The following TCFL5 variants were observed in gnomAD, a reference collection of about 807,000 sequenced individuals.
TCFL5 encodes the protein transcription factor like 5, also known as transcription factor-like 5 protein.
In TCFL5, 9 loss-of-function variants were observed where a neutral mutation model predicts 44.3. The observed-to-expected ratio is 0.20, with a 90% CI of 0.12 to 0.35. The LOEUF (loss-of-function observed/expected upper bound fraction) is 0.35. TCFL5 is among the 10% of genes least tolerant of loss of function. The probability of loss-of-function intolerance (pLI) is 1.00; values close to 1 mark genes in which losing one functional copy is unlikely to be tolerated. For synonymous variants in TCFL5, 319 were observed against 271.6 expected, an observed-to-expected ratio of 1.17 and a Z score of -1.72; for missense variants, 603 against 613.4, an observed-to-expected ratio of 0.98 and a Z score of 0.18.
At chr20:62,852,330 C>A (rs1193073519) in intron 5 of TCFL5, 1 of 984,832 alleles carries the variant, frequency 1.0e-6, no homozygotes, top group Non-Finnish European at 1.2e-6. Context: ...GAACTCGGGT[C>A]CCCCAAAGGC....
At chr20:62,852,136 G>A in intron 5 of TCFL5, 1 of 985,462 alleles carries the variant, frequency 1.0e-6, no homozygotes, top group Non-Finnish European at 1.2e-6. Context: ...GTCCTTGTTT[G>A]TTGCAGCAAC....
At chr20:62,846,170 T>TAAA (rs1019791573) in intron 5 of TCFL5, 1 of 1,128,716 alleles carries the variant, frequency 8.9e-7, no homozygotes, top group East Asian at 5.9e-5. Flanking sequence ...GACGATAATT[T>TAAA]AAAAAAAAAG....
intron 5 of TCFL5, among the ~76,000 whole-genome samples, chr20:62,843,775 C>G (rs182325798): frequency 6.6e-6 from 1 of 152,202 alleles, no homozygotes; most frequent in African/African-American, 2.4e-5. Flanking sequence ...GCCCCTGGCA[C>G]GTACCAGTCC....
intron 5 of TCFL5, among the ~76,000 whole-genome samples, chr20:62,848,130 G>A (rs955680535): frequency 6.6e-6 from 1 of 152,228 alleles, no homozygotes; most frequent in Non-Finnish European, 1.5e-5. Flanking sequence ...AGCAGGGCCT[G>A]ACAACAGACA....
At chr20:62,846,453 G>A (rs1048761936) in intron 5 of TCFL5, among the ~76,000 whole-genome samples, 5 of 152,158 alleles carry the variant, frequency 3.3e-5, no homozygotes, top group Admixed American at 1.3e-4. Context: ...TGATGTCATC[G>A]CACTCTCAAT....
intron 5 of TCFL5, among the ~76,000 whole-genome samples, chr20:62,848,871 A>G (rs2063775943): frequency 1.3e-5 from 2 of 152,164 alleles, no homozygotes; most frequent in African/African-American, 4.8e-5. Flanking sequence ...CCCTGTCTCT[A>G]TTAAATACAA....
rs564710612 is a variant in TCFL5 at position 62,857,568 on chromosome 20, C to T, written c.1065G>A (p.Glu355=). 5 of 1,614,250 alleles carry T rather than the reference C, an allele frequency of 3.1e-6. No homozygotes were observed. The African/African-American group carries it at 4.0e-5, about 13-fold the overall frequency. ...SRMRQLDTNV[E]RRALGEIQNV... Reference sequence around the variant, plus strand: ...TCTGAATCTCTCCAAGGGCTCTTCGCTCTACATTTGTGTCCAACTGACGCA... The same window carrying T: ...TCTGAATCTCTCCAAGGGCTCTTCGTTCTACATTTGTGTCCAACTGACGCA... Residue 355 remains glutamate (E), a synonymous_variant, in exon 4 of 6, where the codon GAG becomes GAA. Coordinates refer to ENST00000335351, the MANE Select transcript of TCFL5 (RefSeq NM_006602.4).
At position 62,854,160 on chromosome 20, in the gene TCFL5, ATAGTC is replaced by A; in HGVS notation, c.1239-8_1239-4del. On this transcript the variant is annotated splice_polypyrimidine_tract_variant and splice_region_variant and intron_variant, in intron 4 of 5. Transcript: ENST00000335351. Reference sequence around the variant, plus strand: ...CACAGCAAATGCGGATTCTGCGCCTATAGTCAAAACCCAAAGTCATCACCGAGAGA... The same window carrying A: ...CACAGCAAATGCGGATTCTGCGCCTAAAAACCCAAAGTCATCACCGAGAGA... The A allele has an allele frequency of 6.2e-7, 1 of 1,613,880 alleles. No individual in the cohort carries two copies. The highest frequency in any genetic ancestry group is 8.5e-7 in the Non-Finnish European group (1 of 1,179,986).
At position 62,861,376 on chromosome 20, in the gene TCFL5, G is replaced by C. The variant is rs1600869318; in HGVS notation, c.295C>G (p.Gln99Glu). ...GGGTACACGGGCGCCGCGCCCCCCT[G>C]ACCGCCCGCCGCGAAGCCGCCCGCG... The part of the protein sequence containing the change: ...AGAGGFAAGG[Q>E]GGAAPVYPVL... The change falls in exon 1 of 6, where the codon CAG (glutamine) becomes GAG (glutamate). Residue 99 changes from glutamine to glutamate, a missense_variant. Around this residue, in one of 4 missense-constraint regions of TCFL5, gnomAD observed 540 missense variants for 478.7 expected, o/e 1.13. Transcript: ENST00000335351. The surrounding 1 kb of genome is among the most constrained non-coding windows in gnomAD (Gnocchi z 4.0). 1 of 1,072,554 alleles carries C rather than the reference G, an allele frequency of 9.3e-7. No homozygotes were observed. Among genetic ancestry groups the C allele is most frequent in the East Asian group, 6.7e-5 (1 of 14,888 alleles). 66.4% of individuals were successfully genotyped at this position (1,072,554 alleles called of 1,614,324 possible). A position where few individuals can be genotyped will look rare whatever the true frequency, so the allele number is the denominator to read the frequency against.
chr20:62,860,065 T>G, intron 2 of TCFL5, 60 bp downstream of exon 2: 2 of 1,521,322 alleles, frequency 1.3e-6, no homozygotes, highest in Non-Finnish European at 1.8e-6. Flanking sequence ...CTAACCAAAA[T>G]AAGTTAAAAT....
At chr20:62,847,793 TGAGGTCAG>T (rs1463015880) in intron 5 of TCFL5, among the ~76,000 whole-genome samples, 1 of 152,166 alleles carries the variant, frequency 6.6e-6, no homozygotes, top group Non-Finnish European at 1.5e-5. Context: ...GCGGATCACC[TGAGGTCAG>T]GAGTTCGAGA....
At chr20:62,855,368 G>A (rs2063871997) in intron 4 of TCFL5, among the ~76,000 whole-genome samples, 1 of 152,118 alleles carries the variant, frequency 6.6e-6, no homozygotes, top group African/African-American at 2.4e-5. Context: ...TTGCTATGTT[G>A]CCCAGGCTGG....
At chr20:62,845,540 A>T in intron 5 of TCFL5, 1 of 1,456,500 alleles carries the variant, frequency 6.9e-7, no homozygotes, top group Non-Finnish European at 9.1e-7. Context: ...ATTTGGCAAG[A>T]TAGAATTCAC....
At chr20:62,847,377 A>C (rs899873327) in intron 5 of TCFL5, among the ~76,000 whole-genome samples, 1 of 152,182 alleles carries the variant, frequency 6.6e-6, no homozygotes, top group African/African-American at 2.4e-5. Flanking sequence ...GAAATAATAG[A>C]AATAAGGTTT....
chr20:62,844,638 C>T (rs1406927700), intron 5 of TCFL5, among the ~76,000 whole-genome samples: 1 of 149,456 alleles, frequency 6.7e-6, no homozygotes, highest in Non-Finnish European at 1.5e-5. Flanking sequence ...AGTGCAACAG[C>T]GTGATCTCAG....
rs1218924979 is a variant in TCFL5, at chr20:62,861,438, T to G, written c.233A>C (p.Asn78Thr). 8.6e-7 allele frequency: 1 copy of G among 1,162,882 alleles called. No homozygotes were observed. Among genetic ancestry groups the G allele is most frequent in the African/African-American group, 1.7e-5 (1 of 60,442 alleles). 72.0% of individuals were successfully genotyped at this position (1,162,882 alleles called of 1,614,324 possible). A position where few individuals can be genotyped will look rare whatever the true frequency, so the allele number is the denominator to read the frequency against. ...AADGELETRL[N>T]SALLAAAGPG... ...GCCCGCCGCCGCCAGCAGCGCCGAGTTGAGGCGCGTCTCGAGCTCGCCGTC... is the reference window on the plus strand; with the variant it reads ...GCCCGCCGCCGCCAGCAGCGCCGAGGTGAGGCGCGTCTCGAGCTCGCCGTC... The change falls in exon 1 of 6, where the codon AAC becomes ACC. Residue 78 changes from asparagine to threonine, a missense_variant. This residue lies in a region of TCFL5 where 540 missense variants were observed against 478.7 expected (regional missense o/e 1.13). Coordinates refer to ENST00000335351, the MANE Select transcript of TCFL5 (RefSeq NM_006602.4). The surrounding 1 kb of genome is among the most constrained non-coding windows in gnomAD (Gnocchi z 4.0).
In TCFL5 at chr20:62,860,143, A is replaced by T; in HGVS notation, c.813T>A (p.Ser271=). The T allele has an allele frequency of 6.2e-7, 1 of 1,610,162 alleles. No homozygotes were observed. Among genetic ancestry groups the T allele is most frequent in the Admixed American group, 1.7e-5 (1 of 59,972 alleles). Residue 271 remains serine (S), a synonymous_variant, in exon 2 of 6, where the codon TCT becomes TCA. Transcript: ENST00000335351. ...TTNACSTSGN[S]NLSQTQSSSN... ...TCCCTACCTGTGTCTGTGAAAGATTAGAATTTCCACTAGTAGAGCAAGCAT... is the reference window on the plus strand; with the variant it reads ...TCCCTACCTGTGTCTGTGAAAGATTTGAATTTCCACTAGTAGAGCAAGCAT...
At chr20:62,860,395 T>G (rs1415000096) in intron 1 of TCFL5, 87 bp from the exon 2 acceptor site, 2 of 1,269,922 alleles carry the variant, frequency 1.6e-6, no homozygotes, top group Non-Finnish European at 2.2e-6. Flanking sequence ...CTGGCTAGTT[T>G]TTCCAGACAG....
intron 5 of TCFL5, among the ~76,000 whole-genome samples, chr20:62,851,243 C>A (rs915783146): frequency 2.0e-5 from 3 of 151,990 alleles, no homozygotes; most frequent in Non-Finnish European, 2.9e-5. Flanking sequence ...TTGACCTCAG[C>A]CTGTTTCTTG....
Sources: gnomAD v4.1 joint callset for allele counts (sites outside exome capture counted in the v4.1 genomes callset) on GRCh38, gnomAD v4.1.1 for gene constraint, gnomAD v4.1.1 regional missense constraint, Gnocchi (gnomAD v3.1) non-coding constraint, MANE v1.5 for transcripts, NCBI Gene and HGNC (gene_info 2026-07-23, HGNC 2026-07-21) for gene names.